The following KANK1 variants were observed in gnomAD, a reference collection of about 807,000 sequenced individuals.
The protein encoded by KANK1 is KN motif and ankyrin repeat domain-containing protein 1.
KANK1 carries 109 observed loss-of-function variants against 106.2 expected under a neutral mutation model. The observed-to-expected ratio is 1.03, with a 90% confidence interval of 0.88 to 1.20. The LOEUF is 1.20. Ranked by LOEUF, KANK1 falls within the 50% of genes most tolerant of loss-of-function variation. The pLI is 0.00. For missense variants in KANK1, 2,399 were observed against 1,710.7 expected, an observed-to-expected ratio of 1.40 and a Z score of -7.10; for synonymous variants, 873 against 652.2, an observed-to-expected ratio of 1.34 and a Z score of -5.16.
intron 3 of KANK1, among the ~76,000 whole-genome samples, chr9:722,164 G>A (rs1037602580): frequency 2.0e-5 from 3 of 152,248 alleles, no homozygotes; most frequent in South Asian, 2.1e-4. Flanking sequence ...CTTAAAGCAA[G>A]GATGATAATA....
chr9:725,895 T>A (rs1454012945), intron 3 of KANK1, among the ~76,000 whole-genome samples: 1 of 152,176 alleles, frequency 6.6e-6, no homozygotes, highest in African/African-American at 2.4e-5. Context: ...AAAGTTGTGA[T>A]CACCTGACAT....
chr9:730,423 G>A, intron 4 of KANK1, 175 bp downstream of exon 4: 1 of 692,946 alleles, frequency 1.4e-6, no homozygotes, highest in Non-Finnish European at 2.4e-6. Context: ...CGGGCATGGT[G>A]GCTCACACCT....
chr9:595,243 G>A (rs887081294), intron 1 of KANK1, among the ~76,000 whole-genome samples: 1 of 151,786 alleles, frequency 6.6e-6, no homozygotes, highest in African/African-American at 2.4e-5. Flanking sequence ...GTGAGACCCT[G>A]TCTCTACTTT....
intron 1 of KANK1, among the ~76,000 whole-genome samples, chr9:513,582 T>C (rs1587391276): frequency 6.6e-6 from 1 of 152,370 alleles, no homozygotes. Context: ...ATTGCAGATA[T>C]AACCTCTTTT....
chr9:472,841 A>C (rs1241560085), intron 2 of KANK1, among the ~76,000 whole-genome samples: 2 of 152,176 alleles, frequency 1.3e-5, no homozygotes, highest in African/African-American at 2.4e-5. Context: ...CTGATACATG[A>C]GTGATGCTAT....
At chr9:520,781 C>G (rs2059509626) in intron 1 of KANK1, among the ~76,000 whole-genome samples, 2 of 151,736 alleles carry the variant, frequency 1.3e-5, no homozygotes, top group African/African-American at 4.9e-5. Context: ...GAGAGCTGTA[C>G]CAACAACTTG....
chr9:655,887 G>A (rs999358403), intron 1 of KANK1, among the ~76,000 whole-genome samples: 7 of 152,140 alleles, frequency 4.6e-5, no homozygotes, highest in Non-Finnish European at 7.3e-5. Context: ...TTTTGCTTTA[G>A]TATGACACAT....
chr9:575,117 T>G (rs773468673), intron 1 of KANK1, among the ~76,000 whole-genome samples: 3 of 152,192 alleles, frequency 2.0e-5, no homozygotes, highest in Non-Finnish European at 4.4e-5. Context: ...GTACTTGTCT[T>G]AAATGTTCTG....
chr9:505,127 C>T (rs1204772887), intron 1 of KANK1, among the ~76,000 whole-genome samples: 1 of 152,096 alleles, frequency 6.6e-6, no homozygotes, highest in Non-Finnish European at 1.5e-5. Flanking sequence ...GCCTGGCTAC[C>T]CCGGCCCGGC....
At chr9:638,587 C>T (rs1265712975) in intron 1 of KANK1, among the ~76,000 whole-genome samples, 1 of 152,108 alleles carries the variant, frequency 6.6e-6, no homozygotes, top group African/African-American at 2.4e-5. Flanking sequence ...TTTTTTCAAC[C>T]AAAGGCAAAA....
At chr9:732,793 T>A (rs551268178) in intron 6 of KANK1, 176 bp downstream of exon 6, 16 of 620,562 alleles carry the variant, frequency 2.6e-5, no homozygotes, top group Non-Finnish European at 4.3e-5. Flanking sequence ...CTCTTAGATC[T>A]CTTATGGTAG....
At chr9:730,341 CCT>C (rs1365206381) in intron 4 of KANK1, 93 bp downstream of exon 4, 4 of 1,275,998 alleles carry the variant, frequency 3.1e-6, no homozygotes. Context: ...TTTAAATTGA[CCT>C]GGAAGAAAGT....
At chr9:650,969 G>T (rs1840759144) in intron 1 of KANK1, among the ~76,000 whole-genome samples, 1 of 152,132 alleles carries the variant, frequency 6.6e-6, no homozygotes, top group African/African-American at 2.4e-5. Flanking sequence ...AGGAAAAAAA[G>T]ATGTTATGTG....
rs796564039 is a variant in KANK1, at chr9:598,304, C to T, written c.-83-78586C>T. Among the ~76,000 whole-genome samples the T allele has an allele frequency of 1.2e-4, 18 of 151,648 alleles. 1 individual carries two copies. The highest frequency in any genetic ancestry group is 6.2e-4 in the South Asian group (3 of 4,814). On this transcript the variant is annotated intron_variant, in intron 1 of 11. Coordinates refer to ENST00000382297, the MANE Select transcript of KANK1 (RefSeq NM_015158.5). ...TTGAAATTGAGAAGTGAGAGTTCTT[C>T]AACTTTTTTCTTTTTTTTAGTGTTG...
rs1475771791 is a variant in KANK1 at position 711,080 on chromosome 9, A to G, written c.314A>G (p.Asn105Ser). 1.9e-6 allele frequency: 3 copies of G among 1,614,084 alleles called. No individual in the cohort carries two copies. Among genetic ancestry groups the G allele is most frequent in the African/African-American group, 1.3e-5 (1 of 75,012 alleles). ...AGTGATGACAACAAGCAGTGCCCCA[A>G]CTTCCTCATAGCCAGAAGTCAAGTT... ...SNSDDNKQCP[N>S]FLIARSQVTS... is the part of the protein sequence containing the mutation. The change falls in exon 3 of 12, where the codon AAC (asparagine) becomes AGC (serine). Residue 105 changes from asparagine (N) to serine (S), a missense_variant. Coordinates refer to ENST00000382297, the MANE Select transcript of KANK1 (RefSeq NM_015158.5).
chr9:599,135 C>T (rs943066190), intron 1 of KANK1, among the ~76,000 whole-genome samples: 10 of 150,644 alleles, frequency 6.6e-5, no homozygotes, highest in Non-Finnish European at 8.8e-5. Flanking sequence ...TCTCCTGCCT[C>T]AGCCTCCTGA....
At chr9:694,079 G>C (rs1820631894) in intron 2 of KANK1, among the ~76,000 whole-genome samples, 1 of 151,910 alleles carries the variant, frequency 6.6e-6, no homozygotes, top group South Asian at 2.1e-4. Flanking sequence ...CTTTTTTGTT[G>C]CTAAATCCAT....
At chr9:566,707 T>A (rs1408094491) in intron 1 of KANK1, among the ~76,000 whole-genome samples, 1 of 152,130 alleles carries the variant, frequency 6.6e-6, no homozygotes, top group Non-Finnish European at 1.5e-5. Flanking sequence ...AATGGAGTTG[T>A]TTTTTTCTTA....
At chr9:627,991 TC>T (rs1723841071) in intron 1 of KANK1, among the ~76,000 whole-genome samples, 1 of 152,234 alleles carries the variant, frequency 6.6e-6, no homozygotes, top group South Asian at 2.1e-4. Context: ...AAAGGAGCAT[TC>T]AGAATATTTG....
Sources: gnomAD v4.1 joint callset for allele counts (sites outside exome capture counted in the v4.1 genomes callset) on GRCh38, gnomAD v4.1.1 for gene constraint, MANE v1.5 for transcripts, NCBI Gene and HGNC (gene_info 2026-07-23, HGNC 2026-07-21) for gene names.